GALNTL6: variants seen among roughly 807,000 people sequenced by gnomAD.
GALNTL6 encodes the protein polypeptide N-acetylgalactosaminyltransferase like 6, also known as polypeptide N-acetylgalactosaminyltransferase-like 6.
GALNTL6 carries 46 observed loss-of-function variants against 73.7 expected under a neutral mutation model. The ratio of observed to expected loss-of-function variants is 0.62; its 90% CI spans 0.49 to 0.80. The LOEUF (loss-of-function observed/expected upper bound fraction) is 0.80. GALNTL6 is among the 30% of genes least tolerant of loss of function. The probability of loss-of-function intolerance (pLI) is 0.00; values close to 1 mark genes in which losing one functional copy is unlikely to be tolerated. For synonymous variants in GALNTL6, 259 were observed against 263.7 expected, an observed-to-expected ratio of 0.98 and a Z score of 0.17; for missense variants, 604 against 755.0, an observed-to-expected ratio of 0.80 and a Z score of 2.34.
At chr4:172,763,721 A>G (rs963244345) in intron 5 of GALNTL6, among the ~76,000 whole-genome samples, 1 of 152,216 alleles carries the variant, frequency 6.6e-6, no homozygotes, top group Non-Finnish European at 1.5e-5. Context: ...CTAGAATCAG[A>G]GAAATAGCAG....
chr4:172,961,030 G>A (rs1287045949), intron 10 of GALNTL6, among the ~76,000 whole-genome samples: 23 of 98,686 alleles, frequency 2.3e-4, no homozygotes, highest in South Asian at 4.3e-4. Flanking sequence ...CCAGAAAAGC[G>A]GAGAAGGGGT....
At chr4:172,230,766 C>G (rs1737034842) in intron 3 of GALNTL6, among the ~76,000 whole-genome samples, 1 of 152,048 alleles carries the variant, frequency 6.6e-6, no homozygotes, top group South Asian at 2.1e-4. Context: ...AAGGATGTCA[C>G]AGAAATGGAG....
chr4:172,043,334 G>A (rs1742138661), intron 2 of GALNTL6, among the ~76,000 whole-genome samples: 1 of 151,720 alleles, frequency 6.6e-6, no homozygotes, highest in South Asian at 2.1e-4. Context: ...ATTATTTAAG[G>A]CCATGGCACA....
At chr4:172,362,528 T>C (rs1242403355) in intron 5 of GALNTL6, among the ~76,000 whole-genome samples, 3 of 152,096 alleles carry the variant, frequency 2.0e-5, no homozygotes, top group African/African-American at 4.8e-5. Flanking sequence ...TATATTTTTC[T>C]TAAATATTGA....
At chr4:172,954,370 A>G (rs958330071) in intron 10 of GALNTL6, among the ~76,000 whole-genome samples, 3 of 152,164 alleles carry the variant, frequency 2.0e-5, no homozygotes, top group African/African-American at 7.2e-5. Flanking sequence ...TATATCTATT[A>G]CCCTAGATTG....
intron 5 of GALNTL6, among the ~76,000 whole-genome samples, chr4:172,535,161 G>T (rs1156278482): frequency 6.6e-6 from 1 of 152,114 alleles, no homozygotes; most frequent in Non-Finnish European, 1.5e-5. Context: ...AGTAAGGAAG[G>T]TTAATAGACC....
At chr4:172,075,947 T>G (rs115803906) in intron 2 of GALNTL6, among the ~76,000 whole-genome samples, 2,744 of 152,328 alleles carry the variant, frequency 0.018, 73 homozygotes, top group African/African-American at 0.06. Context: ...TTGTAGTGTA[T>G]TGCATACAGC....
chr4:172,126,436 A>T (rs72700933), intron 2 of GALNTL6, among the ~76,000 whole-genome samples: 3,183 of 152,300 alleles, frequency 0.021, 34 homozygotes, highest in Non-Finnish European at 0.031. Context: ...CACTCTGAGT[A>T]GATCAACTAA....
intron 2 of GALNTL6, among the ~76,000 whole-genome samples, chr4:171,844,910 T>C (rs1298886551): frequency 6.6e-6 from 1 of 152,154 alleles, no homozygotes; most frequent in East Asian, 1.9e-4. Flanking sequence ...GCTTTCTTGC[T>C]CCATTTCAAA....
At chr4:171,827,697 C>T (rs1242757369) in intron 2 of GALNTL6, among the ~76,000 whole-genome samples, 1 of 152,058 alleles carries the variant, frequency 6.6e-6, no homozygotes, top group Non-Finnish European at 1.5e-5. Context: ...CTTATCTTAT[C>T]TTATCTAAAG....
intron 4 of GALNTL6, among the ~76,000 whole-genome samples, chr4:172,313,268 G>T (rs2111148698): frequency 6.6e-6 from 1 of 152,068 alleles, no homozygotes; most frequent in East Asian, 1.9e-4. Context: ...TGGGACTACA[G>T]GCGCCTGCCA....
At chr4:171,909,317 T>C (rs1194599359) in intron 2 of GALNTL6, among the ~76,000 whole-genome samples, 2 of 152,124 alleles carry the variant, frequency 1.3e-5, no homozygotes, top group African/African-American at 4.8e-5. Flanking sequence ...GAAACTACTG[T>C]ATATTATTTA....
chr4:172,087,764 A>AG (rs1482022548), intron 2 of GALNTL6, among the ~76,000 whole-genome samples: 1 of 67,970 alleles, frequency 1.5e-5, no homozygotes, highest in Non-Finnish European at 3.8e-5. Context: ...AAATAGCAGA[A>AG]AAAAAAAAAA....
rs183895069 is a variant in GALNTL6, at chr4:172,095,558, G to A, written c.139-134098G>A. On this transcript the variant is annotated intron_variant, in intron 2 of 12. Transcript: ENST00000506823. The stretch of plus-strand genomic sequence containing the variant: ...TTGTGTGTTTGTTTTTGGCAGGTGA[G>A]TCTCCCTCTAGCATCCTGTATTGTG... Among the ~76,000 whole-genome samples the A allele has an allele frequency of 5.3e-5, 8 of 152,266 alleles. No homozygotes were observed. In the East Asian group the frequency reaches 1.5e-3, roughly 29 times the overall value.
At chr4:172,028,543 A>G (rs922688069) in intron 2 of GALNTL6, among the ~76,000 whole-genome samples, 1 of 152,060 alleles carries the variant, frequency 6.6e-6, no homozygotes, top group African/African-American at 2.4e-5. Context: ...TGAGATAGTA[A>G]GATAAATTAT....
intron 5 of GALNTL6, among the ~76,000 whole-genome samples, chr4:172,716,475 G>A (rs1043491613): frequency 2.9e-5 from 4 of 138,388 alleles, no homozygotes; most frequent in East Asian, 2.2e-4. Flanking sequence ...TTATCTCCTC[G>A]ATGACTGACG....
chr4:172,951,436 A>G (rs1749439109), intron 9 of GALNTL6, among the ~76,000 whole-genome samples: 1 of 152,254 alleles, frequency 6.6e-6, no homozygotes, highest in Non-Finnish European at 1.5e-5. Flanking sequence ...ACATCTGTGG[A>G]AAAGACTGGC....
chr4:172,058,113 G>GTTGTTTTGTTTTGTT (rs10526611), intron 2 of GALNTL6, among the ~76,000 whole-genome samples: 50,865 of 146,102 alleles, frequency 0.35, 10,212 homozygotes, highest in East Asian at 0.68. Flanking sequence ...GGCTGAAGTG[G>GTTGTTTTGTTTTGTT]TTGTTTTGTT....
chr4:172,167,450 G>T (rs1734663491), intron 2 of GALNTL6, among the ~76,000 whole-genome samples: 1 of 152,178 alleles, frequency 6.6e-6, no homozygotes. Flanking sequence ...GAAAGTTGTT[G>T]CTTACCTGCT....
Sources: allele counts gnomAD v4.1 joint callset (sites outside exome capture counted in the v4.1 genomes callset), GRCh38; gene constraint gnomAD v4.1.1; transcripts MANE v1.5; gene names NCBI Gene and HGNC (gene_info 2026-07-23, HGNC 2026-07-21).